The following MAPK8IP3 variants were observed in gnomAD, a reference collection of about 807,000 sequenced individuals.
The protein encoded by MAPK8IP3 is C-Jun-amino-terminal kinase-interacting protein 3.
In MAPK8IP3, 49 loss-of-function variants were observed where a neutral mutation model predicts 157.8. The ratio of observed to expected loss-of-function variants is 0.31; its 90% CI spans 0.25 to 0.39. The LOEUF (loss-of-function observed/expected upper bound fraction) is 0.39, where lower values mean the gene tolerates loss of function less well. Among genes scored for constraint, MAPK8IP3 ranks in the 10% least tolerant of loss-of-function variants. The pLI is 1.00. For missense variants in MAPK8IP3, 1,478 were observed against 1,889.4 expected (o/e 0.78, Z 4.04); for synonymous variants, 897 against 777.7 (o/e 1.15, Z -2.55).
intron 4 of MAPK8IP3, among the ~76,000 whole-genome samples, chr16:1,735,732 T>A (rs1359213618): frequency 1.6e-5 from 2 of 126,344 alleles, no homozygotes; most frequent in African/African-American, 6.2e-5. Context: ...ACCGTCCATG[T>A]GAGAGTGTGA....
chr16:1,762,387 C>A lies in MAPK8IP3; in HGVS notation c.1576C>A (p.Arg526=), dbSNP rs2042005025. The A allele has an allele frequency of 6.3e-7, 1 of 1,592,404 alleles. No individual in the cohort carries two copies. Among genetic ancestry groups the A allele is most frequent in the African/African-American group, 1.3e-5 (1 of 74,414 alleles). The part of the protein sequence containing the change: ...IPMAQRRRFT[R]VEMARVLMER... ...CATGGCCCAGCGCCGCCGCTTCACG[C>A]GGGTGGAGATGGCCCGTGTGCTCAT... Residue 526 remains arginine (R), a synonymous_variant, in exon 14 of 32, where the codon CGG becomes AGG. Coordinates refer to ENST00000610761, the MANE Select transcript of MAPK8IP3 (RefSeq NM_001318852.2).
intron 16 of MAPK8IP3, among the ~76,000 whole-genome samples, chr16:1,763,367 G>A (rs997769313): frequency 1.3e-5 from 2 of 152,266 alleles, no homozygotes; most frequent in African/African-American, 2.4e-5. Flanking sequence ...CCAGGTCCCG[G>A]TCTGTGGAAC....
In MAPK8IP3 at chr16:1,766,877, A is replaced by G. The variant is rs1390679683; in HGVS notation, c.3021-27A>G. On this transcript the variant is annotated intron_variant, in intron 24 of 31. Transcript: ENST00000610761. ...AGGGGGCTGGCACAGCCTGGCCCAA[A>G]CCAGGCTCACCGCATTCCTGTTTCA... The G allele has an allele frequency of 2.5e-6, 4 of 1,608,882 alleles. No homozygotes were observed. In the South Asian group the frequency reaches 4.4e-5, roughly 18 times the overall value.
At chr16:1,720,218 TAG>T (rs2038427010) in intron 1 of MAPK8IP3, among the ~76,000 whole-genome samples, 3 of 152,160 alleles carry the variant, frequency 2.0e-5, no homozygotes, top group Admixed American at 6.5e-5. Context: ...GTGTTTTTAG[TAG>T]AGATGGGGTT....
At position 1,719,772 on chromosome 16, in the gene MAPK8IP3, C is replaced by T. The variant is rs1049179138; in HGVS notation, c.319-4785C>T. ...GAGATGGGAGGATCGCTTGAGCCCG[C>T]GAGGTCAAGGCTGCAGTGGGTGACA... On this transcript the variant is annotated intron_variant, in intron 1 of 31. Transcript: ENST00000610761. Among the ~76,000 whole-genome samples, 13 of 151,500 alleles carry T rather than the reference C, an allele frequency of 8.6e-5. No individual in the cohort carries two copies. In the South Asian group the frequency reaches 1.5e-3, roughly 17 times the overall value.
At chr16:1,737,916 G>A (rs1449534927) in intron 4 of MAPK8IP3, among the ~76,000 whole-genome samples, 1 of 76,458 alleles carries the variant, frequency 1.3e-5, no homozygotes, top group African/African-American at 5.4e-5. Context: ...CCGTCCGTGT[G>A]TGTGACCATC....
intron 1 of MAPK8IP3, among the ~76,000 whole-genome samples, chr16:1,711,578 A>G (rs2037771420): frequency 6.6e-6 from 1 of 152,170 alleles, no homozygotes; most frequent in Non-Finnish European, 1.5e-5. Context: ...GAAAATCACT[A>G]CAGAAGCTTG....
rs554326740 is a variant in MAPK8IP3 at position 1,765,045 on chromosome 16, C to T, written c.2313C>T (p.Ser771=). Residue 771 remains serine (S), a synonymous_variant, in exon 20 of 32, where the codon TCC becomes TCT. Coordinates refer to ENST00000610761, the MANE Select transcript of MAPK8IP3 (RefSeq NM_001318852.2). ...AKELPEMDAT[S]SRVWILTSTL... ...AGCTCCCTGAAATGGACGCCACCTC[C>T]AGCCGGGTGTGGATCCTGACCAGCA... is the stretch of plus-strand genomic sequence containing the variant. 1.9e-6 allele frequency: 3 copies of T among 1,610,988 alleles called. No homozygotes were observed. Among genetic ancestry groups the T allele is most frequent in the South Asian group, 1.1e-5 (1 of 91,042 alleles).
At position 1,729,305 on chromosome 16, in the gene MAPK8IP3, T is replaced by C. The variant is rs192202959; in HGVS notation, c.510+97T>C. 1,082 of 1,431,462 alleles carry C rather than the reference T, an allele frequency of 7.6e-4. 8 individuals are homozygous for C. In the African/African-American group the frequency reaches 0.012, roughly 15 times the overall value. The allele number at this position is 1,431,462 out of a possible 1,614,324, so 88.7% of individuals were successfully genotyped here. Reference sequence around the variant, plus strand: ...CGGACCGTGGTTTTCTTCCCTGGCATGTCCCTTTTCTAGCATTTGCTGCCA... The same window carrying C: ...CGGACCGTGGTTTTCTTCCCTGGCACGTCCCTTTTCTAGCATTTGCTGCCA... On this transcript the variant is annotated intron_variant, in intron 3 of 31. Coordinates refer to ENST00000610761, the MANE Select transcript of MAPK8IP3 (RefSeq NM_001318852.2).
intron 1 of MAPK8IP3, among the ~76,000 whole-genome samples, chr16:1,711,038 C>T (rs1352465044): frequency 6.6e-6 from 1 of 152,242 alleles, no homozygotes; most frequent in African/African-American, 2.4e-5. Context: ...CTGCGGGAGC[C>T]CCCGGGCCAC....
At chr16:1,766,869 T>C in intron 24 of MAPK8IP3, 35 bp from the exon 25 acceptor site, 1 of 1,610,622 alleles carries the variant, frequency 6.2e-7, no homozygotes, top group Non-Finnish European at 8.5e-7. Context: ...TGGCACAGCC[T>C]GGCCCAAACC....
At chr16:1,749,272 TC>T (rs2041157595) in intron 8 of MAPK8IP3, among the ~76,000 whole-genome samples, 1 of 152,184 alleles carries the variant, frequency 6.6e-6, no homozygotes, top group African/African-American at 2.4e-5. Flanking sequence ...TTTAGAATGT[TC>T]CGCCATCCCT....
chr16:1,734,131 G>A (rs937164806), intron 4 of MAPK8IP3, among the ~76,000 whole-genome samples: 5 of 152,240 alleles, frequency 3.3e-5, no homozygotes, highest in Non-Finnish European at 7.3e-5. Context: ...TGGGGTCTGC[G>A]CAGCTACATT....
chr16:1,736,478 G>A (rs531457325), intron 4 of MAPK8IP3, among the ~76,000 whole-genome samples: 8 of 48,348 alleles, frequency 1.7e-4, no homozygotes, highest in African/African-American at 9.9e-4. Context: ...GTGAGCATCC[G>A]TGTGACCGTG....
Position 1,743,839 on chromosome 16 carries a change from C to T in MAPK8IP3, c.747+363C>T. On this transcript the variant is annotated intron_variant, in intron 5 of 31. Coordinates refer to ENST00000610761, the MANE Select transcript of MAPK8IP3 (RefSeq NM_001318852.2). This position sits in a 1 kb window ranked among gnomAD's most constrained non-coding sequence, Gnocchi z 5.6. Reference sequence around the variant, plus strand: ...ACATAAAGCCTCATGCTCACCCGGGCTCCAGCCAGACACATCCTGCCCCTG... The same window carrying T: ...ACATAAAGCCTCATGCTCACCCGGGTTCCAGCCAGACACATCCTGCCCCTG... 8.9e-7 allele frequency: 1 copy of T among 1,126,724 alleles called. No individual in the cohort carries two copies. The highest frequency in any genetic ancestry group is 1.1e-6 in the Non-Finnish European group (1 of 917,676). The allele number at this position is 1,126,724 out of a possible 1,614,324, so 69.8% of individuals were successfully genotyped here.
Position 1,768,565 on chromosome 16 carries a change from C to T in MAPK8IP3, c.3831C>T (p.Gly1277=). Residue 1277 remains glycine, a synonymous_variant, in exon 31 of 32, where the codon GGC becomes GGT. Coordinates refer to ENST00000610761, the MANE Select transcript of MAPK8IP3 (RefSeq NM_001318852.2). ...GPAAPASEVE[G]QKLRNVLVLS... is the part of the protein sequence containing the mutation. ...CTGCCCCTGCCTCGGAGGTCGAGGGCCAGAAGCTGCGGAACGTGCTGGTGC... is the reference window on the plus strand; with the variant it reads ...CTGCCCCTGCCTCGGAGGTCGAGGGTCAGAAGCTGCGGAACGTGCTGGTGC... 1 of 1,579,706 alleles carries T rather than the reference C, an allele frequency of 6.3e-7. No homozygotes were observed. Among genetic ancestry groups the T allele is most frequent in the Non-Finnish European group, 8.6e-7 (1 of 1,163,802 alleles).
chr16:1,766,098 A>T lies in MAPK8IP3; in HGVS notation c.2585A>T (p.Asn862Ile). ...ACCCGCTGCAACGTGCCGCGGAGCA[A>T]CTGCTCCTCCCGAGGGGACACCCCA... ...CATRCNVPRS[N>I]CSSRGDTPVL... The change falls in exon 21 of 32, where the codon AAC (asparagine) becomes ATC (isoleucine). Residue 862 changes from asparagine to isoleucine, a missense_variant. Around this residue, in one of 11 missense-constraint regions of MAPK8IP3, gnomAD observed 669 missense variants for 759.8 expected, o/e 0.88. Coordinates refer to ENST00000610761, the MANE Select transcript of MAPK8IP3 (RefSeq NM_001318852.2). The T allele has an allele frequency of 1.2e-6, 2 of 1,612,710 alleles. No individual in the cohort carries two copies. Among genetic ancestry groups the T allele is most frequent in the Non-Finnish European group, 1.7e-6 (2 of 1,179,886 alleles).
chr16:1,768,493 C>T lies in MAPK8IP3; in HGVS notation c.3759C>T (p.Thr1253=). 3 of 1,561,908 alleles carry T rather than the reference C, an allele frequency of 1.9e-6. No homozygotes were observed. Among genetic ancestry groups the T allele is most frequent in the Non-Finnish European group, 2.6e-6 (3 of 1,157,272 alleles). The change falls in exon 31 of 32, where the codon ACC becomes ACT. Residue 1253 remains threonine, a synonymous_variant. Coordinates refer to ENST00000610761, the MANE Select transcript of MAPK8IP3 (RefSeq NM_001318852.2). The stretch of plus-strand genomic sequence containing the variant: ...CCATCCCAGGGAACGTGCTGGCCAC[C>T]CTGAATGGGAGTGTGCTGGACAGCC... ...FVSVPGNVLA[T]LNGSVLDSPA... is the part of the protein sequence containing the mutation.
rs989589635 is a variant in MAPK8IP3 at position 1,742,753 on chromosome 16, C to T, written c.603-579C>T. ...GGCATTGCTCATGGTGGCCGTGCAG[C>T]GCTGACCGTGATGCCAAGTCCCGTG... On this transcript the variant is annotated intron_variant, in intron 4 of 31. Transcript: ENST00000610761. This position sits in a 1 kb window ranked among gnomAD's most constrained non-coding sequence, Gnocchi z 5.0. 2.6e-5 allele frequency among the ~76,000 whole-genome samples: 4 copies of T among 152,156 alleles called. No homozygotes were observed. Among genetic ancestry groups the T allele is most frequent in the Non-Finnish European group, 5.9e-5 (4 of 68,028 alleles).
Sources: gnomAD v4.1 joint callset for allele counts (sites outside exome capture counted in the v4.1 genomes callset) on GRCh38, gnomAD v4.1.1 for gene constraint, gnomAD v4.1.1 regional missense constraint, Gnocchi (gnomAD v3.1) non-coding constraint, MANE v1.5 for transcripts, NCBI Gene and HGNC (gene_info 2026-07-23, HGNC 2026-07-21) for gene names.